The following PXDNL variants were observed in gnomAD, a reference collection of about 807,000 sequenced individuals.
The protein encoded by PXDNL is probable oxidoreductase PXDNL.
In PXDNL, 145 loss-of-function variants were observed where a neutral mutation model predicts 150.8. That is an observed-to-expected ratio of 0.96 (90% confidence interval 0.84 to 1.10). PXDNL has a LOEUF of 1.10. PXDNL is among the 50% of genes least tolerant of loss of function. The pLI is 0.00. For missense variants in PXDNL, 2,087 were observed against 1,873.9 expected (o/e 1.11, Z -2.10); for synonymous variants, 757 against 725.7 (o/e 1.04, Z -0.69).
At chr8:51,374,073 C>A (rs60447624) in intron 18 of PXDNL, among the ~76,000 whole-genome samples, 4,956 of 152,232 alleles carry the variant, frequency 0.033, 260 homozygotes, top group African/African-American at 0.11. Context: ...TCTTTCCACT[C>A]GTAAATGCCC....
intron 3 of PXDNL, among the ~76,000 whole-genome samples, chr8:51,578,020 AG>A: frequency 1.6e-5 from 2 of 126,564 alleles, no homozygotes; most frequent in Admixed American, 1.5e-4. Context: ...GAAGGAAGGA[AG>A]GAAGGAAGGA....
intron 5 of PXDNL, among the ~76,000 whole-genome samples, chr8:51,487,102 A>G (rs1585515696): frequency 6.6e-6 from 1 of 152,122 alleles, no homozygotes; most frequent in African/African-American, 2.4e-5. Flanking sequence ...CGAAAAGTTT[A>G]TATAATTATT....
At chr8:51,756,896 G>A (rs2037107849) in intron 1 of PXDNL, among the ~76,000 whole-genome samples, 1 of 152,024 alleles carries the variant, frequency 6.6e-6, no homozygotes, top group African/African-American at 2.4e-5. Context: ...AGAAATGTTG[G>A]ATAGTCAGTG....
chr8:51,738,182 T>G (rs1011964811), intron 1 of PXDNL, among the ~76,000 whole-genome samples: 1 of 152,242 alleles, frequency 6.6e-6, no homozygotes, highest in African/African-American at 2.4e-5. Context: ...AAGCAAGTCT[T>G]ACTGACCTTC....
intron 1 of PXDNL, among the ~76,000 whole-genome samples, chr8:51,759,057 T>C (rs943687156): frequency 7.9e-5 from 12 of 152,156 alleles, no homozygotes; most frequent in African/African-American, 2.7e-4. Flanking sequence ...ACCATGAGAA[T>C]AGGAGTCAGG....
intron 21 of PXDNL, among the ~76,000 whole-genome samples, chr8:51,337,039 A>G (rs1370445): frequency 0.45 from 67,976 of 152,054 alleles, 18,855 homozygotes; most frequent in African/African-American, 0.8. Flanking sequence ...TGAAATAGTC[A>G]CAACTATTAA....
At chr8:51,367,996 C>T (rs111780124) in intron 19 of PXDNL, among the ~76,000 whole-genome samples, 5,459 of 152,120 alleles carry the variant, frequency 0.036, 156 homozygotes, top group Middle Eastern at 0.1. Context: ...GGTCTGATGG[C>T]GCAGGCCTGT....
At chr8:51,517,473 C>G (rs956893636) in intron 4 of PXDNL, among the ~76,000 whole-genome samples, 4 of 152,028 alleles carry the variant, frequency 2.6e-5, no homozygotes, top group Non-Finnish European at 4.4e-5. Flanking sequence ...GTAATAGAAC[C>G]TTTTCCTATC....
intron 1 of PXDNL, among the ~76,000 whole-genome samples, chr8:51,708,188 G>A (rs769847571): frequency 6.6e-6 from 1 of 152,202 alleles, no homozygotes; most frequent in Non-Finnish European, 1.5e-5. Flanking sequence ...CAAGTTGAAA[G>A]AGAGAAAAAC....
At chr8:51,796,243 A>G (rs558208345) in intron 1 of PXDNL, among the ~76,000 whole-genome samples, 3 of 152,218 alleles carry the variant, frequency 2.0e-5, no homozygotes, top group Admixed American at 6.5e-5. Flanking sequence ...CTCCAAAGCT[A>G]GCAGAAAACA....
chr8:51,633,405 A>T (rs548151683), intron 2 of PXDNL, among the ~76,000 whole-genome samples: 1 of 152,260 alleles, frequency 6.6e-6, no homozygotes, highest in South Asian at 2.1e-4. Flanking sequence ...TCCTTTGGGT[A>T]TATACCCTGC....
intron 1 of PXDNL, among the ~76,000 whole-genome samples, chr8:51,799,543 C>T (rs1216654527): frequency 6.6e-6 from 1 of 152,138 alleles, no homozygotes; most frequent in Non-Finnish European, 1.5e-5. Flanking sequence ...GTCTAGGATT[C>T]CCATGCAAAC....
rs191313138 is a variant in PXDNL, at chr8:51,620,137, C to T, written c.237-27439G>A. Among the ~76,000 whole-genome samples the T allele has an allele frequency of 3.3e-5, 5 of 152,072 alleles. No individual in the cohort carries two copies. In the East Asian group the frequency reaches 9.7e-4, roughly 29 times the overall value. ...TGAAAACCTAGTTTTAAAAGAACAC[C>T]TGAAAATATAGTTTTGAACAAAATG... On this transcript the variant is annotated intron_variant, in intron 2 of 22. Coordinates refer to ENST00000356297, the MANE Select transcript of PXDNL (RefSeq NM_144651.5).
chr8:51,326,658 T>C (rs998504780), intron 21 of PXDNL, among the ~76,000 whole-genome samples: 7 of 152,176 alleles, frequency 4.6e-5, no homozygotes, highest in Non-Finnish European at 7.3e-5. Context: ...TAATCAAAAG[T>C]GTAGCCTTCT....
At chr8:51,724,091 T>A (rs921322336) in intron 1 of PXDNL, among the ~76,000 whole-genome samples, 2 of 148,792 alleles carry the variant, frequency 1.3e-5, no homozygotes, top group African/African-American at 4.9e-5. Context: ...GGGGGTGGGG[T>A]GCTACTCACA....
rs11775272 is a variant in PXDNL at position 51,345,698 on chromosome 8, T to A, written c.4016+135A>T. The A allele has an allele frequency of 5.2e-6, 3 of 572,176 alleles. No homozygotes were observed. In the East Asian group the frequency reaches 8.7e-5, roughly 17 times the overall value. 35.4% of individuals were successfully genotyped at this position (572,176 alleles called of 1,614,324 possible). A position where few individuals can be genotyped will look rare whatever the true frequency, so the allele number is the denominator to read the frequency against. On this transcript the variant is annotated intron_variant, in intron 20 of 22. Coordinates refer to ENST00000356297, the MANE Select transcript of PXDNL (RefSeq NM_144651.5). The stretch of plus-strand genomic sequence containing the variant: ...ACATTACAGAATTCATTCTGTGTTT[T>A]CTCCTTTTCATGTGATTCATCCTAT...
At chr8:51,422,119 C>A (rs1024855683) in intron 14 of PXDNL, among the ~76,000 whole-genome samples, 1 of 151,820 alleles carries the variant, frequency 6.6e-6, no homozygotes, top group South Asian at 2.1e-4. Flanking sequence ...GAATCTAATG[C>A]CTGATGATCT....
At chr8:51,654,444 C>T (rs1310168966) in intron 2 of PXDNL, among the ~76,000 whole-genome samples, 1 of 152,184 alleles carries the variant, frequency 6.6e-6, no homozygotes, top group African/African-American at 2.4e-5. Flanking sequence ...TTCTTCTTCT[C>T]ATGAAGCTTT....
intron 17 of PXDNL, among the ~76,000 whole-genome samples, chr8:51,390,839 C>T (rs995726046): frequency 3.9e-5 from 6 of 151,946 alleles, no homozygotes; most frequent in Non-Finnish European, 7.4e-5. Context: ...TGGTGTGCTG[C>T]ACCCATTAAC....
Sources: gnomAD v4.1 joint callset for allele counts (sites outside exome capture counted in the v4.1 genomes callset) on GRCh38, gnomAD v4.1.1 for gene constraint, MANE v1.5 for transcripts, NCBI Gene and HGNC (gene_info 2026-07-23, HGNC 2026-07-21) for gene names.